The following RIMS2 variants were observed in gnomAD, a reference collection of about 807,000 sequenced individuals.
RIMS2 encodes regulating synaptic membrane exocytosis protein 2.
A neutral mutation model predicts 174.4 loss-of-function variants in RIMS2; 59 were observed. The ratio of observed to expected loss-of-function variants is 0.34; its 90% CI spans 0.27 to 0.42. The LOEUF (loss-of-function observed/expected upper bound fraction) is 0.42. Among genes scored for constraint, RIMS2 ranks in the 10% least tolerant of loss-of-function variants. RIMS2 has a pLI of 1.00. For missense variants in RIMS2, 1,620 were observed against 1,666.3 expected, an observed-to-expected ratio of 0.97 and a Z score of 0.48; for synonymous variants, 606 against 572.5, an observed-to-expected ratio of 1.06 and a Z score of -0.84.
chr8:103,752,697 T>TGA (rs1181219805), intron 2 of RIMS2, among the ~76,000 whole-genome samples: 4 of 152,216 alleles, frequency 2.6e-5, no homozygotes, highest in African/African-American at 9.7e-5. Context: ...TTGAAGCAAC[T>TGA]GTGAATGGGA....
At chr8:103,893,405 C>A (rs2099258447) in intron 4 of RIMS2, among the ~76,000 whole-genome samples, 3 of 152,048 alleles carry the variant, frequency 2.0e-5, no homozygotes, top group Admixed American at 2.0e-4. Flanking sequence ...AGCAGCAAAA[C>A]AACTTGACTT....
chr8:103,794,055 C>G (rs2098528030), intron 3 of RIMS2, among the ~76,000 whole-genome samples: 1 of 152,140 alleles, frequency 6.6e-6, no homozygotes, highest in Admixed American at 6.6e-5. Flanking sequence ...CTACCAATGA[C>G]TTTCTTTACA....
intron 2 of RIMS2, among the ~76,000 whole-genome samples, chr8:103,744,058 GT>G (rs1247100787): frequency 6.6e-6 from 1 of 152,000 alleles, no homozygotes; most frequent in Admixed American, 6.6e-5. Flanking sequence ...TTGTTTGTTT[GT>G]TTTTTGAGAC....
chr8:103,630,698 C>G (rs1315813060), intron 1 of RIMS2, among the ~76,000 whole-genome samples: 1 of 149,764 alleles, frequency 6.7e-6, no homozygotes, highest in Non-Finnish European at 1.5e-5. Context: ...TCCTAGAAAA[C>G]TATGAAAAGA....
intron 16 of RIMS2, 58 bp from the exon 19 acceptor site, chr8:103,989,247 T>G: frequency 9.7e-7 from 1 of 1,035,370 alleles, no homozygotes; most frequent in Non-Finnish European, 1.5e-6. Context: ...AAAATAAACC[T>G]CGTTTCTTAG....
intron 19 of RIMS2, among the ~76,000 whole-genome samples, chr8:104,054,000 A>G (rs1397544497): frequency 2.0e-5 from 3 of 152,156 alleles, no homozygotes; most frequent in Non-Finnish European, 2.9e-5. Flanking sequence ...TTGCAGCTGT[A>G]TTTAACATCC....
chr8:104,102,542 T>C (rs1482305967), intron 19 of RIMS2, among the ~76,000 whole-genome samples: 2 of 152,202 alleles, frequency 1.3e-5, no homozygotes, highest in Non-Finnish European at 2.9e-5. Flanking sequence ...ATAAACTGTA[T>C]TAGTCCATTT....
chr8:104,125,215 T>C (rs1023220496), intron 19 of RIMS2, among the ~76,000 whole-genome samples: 2 of 152,174 alleles, frequency 1.3e-5, no homozygotes, highest in African/African-American at 4.8e-5. Context: ...GTCTGTATGT[T>C]CTGGTCAAGT....
rs773816290 is a variant in RIMS2, at chr8:103,757,006, TGTGTGAGAGA to T, written c.388-9219_388-9210del. Among the ~76,000 whole-genome samples the T allele has an allele frequency of 3.3e-3, 422 of 128,908 alleles. 4 individuals carry two copies. The highest frequency in any genetic ancestry group is 9.8e-3 in the African/African-American group (337 of 34,536). 84.6% of individuals were successfully genotyped at this position (128,908 alleles called of 152,430 possible). A position where few individuals can be genotyped will look rare whatever the true frequency, so the allele number is the denominator to read the frequency against. On this transcript the variant is annotated intron_variant, in intron 2 of 23. Transcript: ENST00000504942. The stretch of plus-strand genomic sequence containing the variant: ...GTGTGTGTGTGTGTGTGTGTGTGTG[TGTGTGAGAGA>T]GAGAGAGAGAGAGAGAGAGAGATAC...
intron 3 of RIMS2, among the ~76,000 whole-genome samples, chr8:103,815,488 A>C (rs2098713070): frequency 6.6e-6 from 1 of 152,152 alleles, no homozygotes; most frequent in Admixed American, 6.5e-5. Flanking sequence ...GAGACTCTAA[A>C]GATTCTAATA....
intron 2 of RIMS2, among the ~76,000 whole-genome samples, chr8:103,737,782 C>T (rs1490406577): frequency 6.6e-6 from 1 of 152,136 alleles, no homozygotes; most frequent in Non-Finnish European, 1.5e-5. Context: ...TGCACTTCAC[C>T]AGATTTTTAC....
chr8:103,881,751 G>A (rs73293847), intron 3 of RIMS2, among the ~76,000 whole-genome samples: 3,882 of 151,548 alleles, frequency 0.026, 149 homozygotes, highest in African/African-American at 0.088. Context: ...AGTAGATTTA[G>A]GATGTTTAAA....
At chr8:103,951,839 C>T (rs1241104975) in intron 14 of RIMS2, among the ~76,000 whole-genome samples, 1 of 152,234 alleles carries the variant, frequency 6.6e-6, no homozygotes, top group Non-Finnish European at 1.5e-5. Flanking sequence ...GCCCAGCAAG[C>T]TAAGATACAC....
chr8:104,100,816 A>ATATTATATATGTAATATATAATATATATG (rs1261665898), intron 19 of RIMS2, among the ~76,000 whole-genome samples: 32 of 141,390 alleles, frequency 2.3e-4, no homozygotes, highest in Non-Finnish European at 2.9e-4. Context: ...ATTATATATT[A>ATATTATATATGTAATATATAATATATATG]TATTATATAT....
intron 17 of RIMS2, among the ~76,000 whole-genome samples, chr8:104,003,073 T>C (rs1216861127): frequency 6.6e-6 from 1 of 152,200 alleles, no homozygotes; most frequent in African/African-American, 2.4e-5. Flanking sequence ...TAACCTTTTT[T>C]AACATTTACC....
intron 3 of RIMS2, among the ~76,000 whole-genome samples, chr8:103,831,275 G>A (rs574691899): frequency 1.3e-5 from 2 of 152,210 alleles, no homozygotes; most frequent in East Asian, 1.9e-4. Flanking sequence ...AATATGAATA[G>A]TCAATGATTT....
chr8:103,873,198 T>C (rs1481608831), intron 3 of RIMS2, among the ~76,000 whole-genome samples: 1 of 152,118 alleles, frequency 6.6e-6, no homozygotes, highest in East Asian at 1.9e-4. Flanking sequence ...ATCCCTCTTC[T>C]ATTCTGCCCC....
intron 19 of RIMS2, among the ~76,000 whole-genome samples, chr8:104,236,594 A>G (rs2099259895): frequency 1.3e-5 from 2 of 152,066 alleles, no homozygotes; most frequent in Non-Finnish European, 2.9e-5. Flanking sequence ...CTACTTTTCT[A>G]TAGACAAGTA....
rs913771418 is a variant in RIMS2, at chr8:103,768,314, T to C, written c.698+1777T>C. ...GGACATCTCTTTCCCAGCCACTGGC[T>C]GCCAGAAACTCATTGAAGTGGATGA... On this transcript the variant is annotated intron_variant, in intron 3 of 23. Coordinates refer to ENST00000504942, the Ensembl canonical transcript of RIMS2. The C allele has an allele frequency of 7.8e-5, 50 of 639,960 alleles. 1 individual carries two copies. The Middle Eastern group carries it at 1.4e-3, about 18-fold the overall frequency. The allele number at this position is 639,960 out of a possible 1,614,324, so 39.6% of individuals were successfully genotyped here. A position where few individuals can be genotyped will look rare whatever the true frequency, so the allele number is the denominator to read the frequency against.
Sources: allele counts gnomAD v4.1 joint callset (sites outside exome capture counted in the v4.1 genomes callset), GRCh38; gene constraint gnomAD v4.1.1; transcripts MANE v1.5; gene names NCBI Gene and HGNC (gene_info 2026-07-23, HGNC 2026-07-21).